Variants in APBB1 observed in about 807,000 individuals in gnomAD.
APBB1 encodes amyloid beta precursor protein binding family B member 1.
Under a neutral mutation model 78.4 loss-of-function variants are expected in APBB1, and 22 were observed. The observed-to-expected ratio is 0.28, with a 90% CI of 0.20 to 0.40. The LOEUF (loss-of-function observed/expected upper bound fraction) is 0.40. Among genes scored for constraint, APBB1 ranks in the 10% least tolerant of loss-of-function variants. The pLI, the probability that APBB1 is intolerant of heterozygous loss-of-function variation, is 1.00. For synonymous variants in APBB1, 369 were observed against 372.7 expected (o/e 0.99, Z 0.12); for missense variants, 749 against 932.4 (o/e 0.80, Z 2.56).
chr11:6,411,391 A>T lies in APBB1; in HGVS notation c.-14-30T>A. 6.6e-7 allele frequency: 1 copy of T among 1,507,764 alleles called. No individual in the cohort carries two copies. The highest frequency in any genetic ancestry group is 8.9e-7 in the Non-Finnish European group (1 of 1,128,390). The allele number at this position is 1,507,764 out of a possible 1,614,324, so 93.4% of individuals were successfully genotyped here. ...GGGGTGCGGAGGGGAGATGCTGTTG[A>T]GCCTCTGGTCCAGAACAGCAGCATC... is the stretch of plus-strand genomic sequence containing the variant. On this transcript the variant is annotated intron_variant, in intron 1 of 14. Coordinates refer to ENST00000609360, the MANE Select transcript of APBB1 (RefSeq NM_001164.5). This position sits in a 1 kb window ranked among gnomAD's most constrained non-coding sequence, Gnocchi z 5.2.
chr11:6,410,163 G>A (rs1848921808), intron 2 of APBB1, among the ~76,000 whole-genome samples: 1 of 152,086 alleles, frequency 6.6e-6, no homozygotes, highest in Non-Finnish European at 1.5e-5. Flanking sequence ...CATAACACGG[G>A]GCCAAGAGCT....
At chr11:6,396,898 C>T (rs1007529579) in intron 12 of APBB1, among the ~76,000 whole-genome samples, 1 of 152,208 alleles carries the variant, frequency 6.6e-6, no homozygotes, top group Admixed American at 6.5e-5. Context: ...ACTAGAAGGG[C>T]TTTCAAGATC....
chr11:6,410,749 CG>C lies in APBB1; in HGVS notation c.598del (p.Arg200GlyfsTer61). 1 of 1,580,374 alleles carries C rather than the reference CG, an allele frequency of 6.3e-7. No individual in the cohort carries two copies. Among genetic ancestry groups the C allele is most frequent in the African/African-American group, 1.4e-5 (1 of 74,052 alleles). ...GAGGCTGGCACTCTTGCTGTGTTCC[CG>C]GGGGCCATCTGTAAGGGCTTGGGGC... ...PRPQALTDGP[R>X]EHSKSASLLF... On this transcript the variant is annotated frameshift_variant, in exon 2 of 15. Transcript: ENST00000609360. LOFTEE classifies it high-confidence loss of function.
At chr11:6,402,747 C>G (rs1848592226) in intron 6 of APBB1, 22 bp from the exon 7 acceptor site, 1 of 1,613,564 alleles carries the variant, frequency 6.2e-7, no homozygotes, top group African/African-American at 1.3e-5. Flanking sequence ...AGAAGAGGGG[C>G]AGGAGGTAGA....
At chr11:6,405,685 AGAG>A (rs1848774451) in intron 2 of APBB1, 1 of 985,646 alleles carries the variant, frequency 1.0e-6, no homozygotes, top group African/African-American at 1.7e-5. Context: ...AGACACCCAA[AGAG>A]GAGGGGCTCT....
At chr11:6,405,395 G>A (rs1848757997) in intron 2 of APBB1, 25 of 987,318 alleles carry the variant, frequency 2.5e-5, no homozygotes, top group Non-Finnish European at 3.0e-5. Flanking sequence ...ACCTGCCAGG[G>A]CCCAGCTAGG....
Position 6,395,576 on chromosome 11 carries a change from C to A in APBB1, c.2091G>T (p.Trp697Cys). 1 of 1,582,732 alleles carries A rather than the reference C, an allele frequency of 6.3e-7. No homozygotes were observed. The change falls in exon 15 of 15, where the codon TGG (tryptophan) becomes TGT (cysteine). Residue 697 changes from tryptophan (W) to cysteine (C), a missense_variant. Trp to Cys is a radical substitution (Grantham distance 215). Around this residue, in one of 3 missense-constraint regions of APBB1, gnomAD observed 96 missense variants for 116.0 expected, o/e 0.83. Transcript: ENST00000609360. The surrounding 1 kb of genome is among the most constrained non-coding windows in gnomAD (Gnocchi z 5.2). ...CCAGCCGTTTGGGCTTCAGGGAGCC[C>A]CACAGCGACTGAACACCCCTGCGGA... ...WTVRRGVQSL[W>C]GSLKPKRLGA...
At position 6,403,531 on chromosome 11, in the gene APBB1, C is replaced by T. The variant is rs751840387; in HGVS notation, c.911G>A (p.Gly304Asp). The T allele has an allele frequency of 3.1e-6, 5 of 1,614,238 alleles. No individual in the cohort carries two copies. The South Asian group carries it at 5.5e-5, about 18-fold the overall frequency. ...PQEESQLTWT[G>D]FAHGEGFEDG... ...CTCAAAGCCTTCTCCATGAGCAAAA[C>T]CTGTCCAGGTGAGCTAGGAGGAGGG... The change falls in exon 4 of 15, where the codon GGT (glycine) becomes GAT (aspartate). Residue 304 changes from glycine (G) to aspartate (D), a missense_variant. By Grantham distance (94) the Gly-to-Asp change is moderately conservative (BLOSUM62 -1). This residue lies in a region of APBB1 where 635 missense variants were observed against 765.0 expected (regional missense o/e 0.83). Transcript: ENST00000609360. This position sits in a 1 kb window ranked among gnomAD's most constrained non-coding sequence, Gnocchi z 5.3.
chr11:6,409,847 G>C (rs1848913806), intron 2 of APBB1, among the ~76,000 whole-genome samples: 2 of 152,138 alleles, frequency 1.3e-5, no homozygotes, highest in Admixed American at 1.3e-4. Context: ...TTAAGCCCTG[G>C]AGTCCTAGTA....
At chr11:6,408,797 C>A (rs1426435769) in intron 2 of APBB1, among the ~76,000 whole-genome samples, 3 of 152,166 alleles carry the variant, frequency 2.0e-5, no homozygotes, top group African/African-American at 7.2e-5. Flanking sequence ...AGCCACCATG[C>A]CCAGCCAATG....
At chr11:6,409,925 A>T (rs560431000) in intron 2 of APBB1, among the ~76,000 whole-genome samples, 9 of 152,184 alleles carry the variant, frequency 5.9e-5, no homozygotes, top group Non-Finnish European at 1.2e-4. Context: ...ACTCCTGACA[A>T]AACTGTATCC....
chr11:6,403,725 G>T lies in APBB1; in HGVS notation c.819C>A (p.Ile273=), dbSNP rs560622465. The T allele has an allele frequency of 1.2e-6, 2 of 1,610,428 alleles. No homozygotes were observed. Among genetic ancestry groups the T allele is most frequent in the African/African-American group, 2.7e-5 (2 of 74,852 alleles). ...QDTSGTYYWH[I]PTGTTQWEPP... ...GTTCCCACTGGGTGGTCCCTGTTGG[G>T]ATGTGCCAGTAATAGGTCCCTGAGG... is the stretch of plus-strand genomic sequence containing the variant. Residue 273 remains isoleucine (I), a synonymous_variant, in exon 3 of 15, where the codon ATC becomes ATA. Coordinates refer to ENST00000609360, the MANE Select transcript of APBB1 (RefSeq NM_001164.5). The surrounding 1 kb of genome is among the most constrained non-coding windows in gnomAD (Gnocchi z 5.3).
intron 1 of APBB1, among the ~76,000 whole-genome samples, chr11:6,417,508 G>C (rs544060171): frequency 6.6e-6 from 1 of 152,312 alleles, no homozygotes; most frequent in South Asian, 2.1e-4. Context: ...CACAGTGCCT[G>C]GCATATATTA....
At position 6,401,823 on chromosome 11, in the gene APBB1, G is replaced by T; in HGVS notation, c.1389-135C>A. The T allele has an allele frequency of 7.0e-7, 1 of 1,421,254 alleles. No homozygotes were observed. The highest frequency in any genetic ancestry group is 9.8e-7 in the Non-Finnish European group (1 of 1,023,924). 88.0% of individuals were successfully genotyped at this position (1,421,254 alleles called of 1,614,324 possible). The stretch of plus-strand genomic sequence containing the variant: ...CCACAGCTGGTCCCCCATAGGTGCT[G>T]CCTTCTTGGGGGGGAGGGGTAGACA... On this transcript the variant is annotated intron_variant, in intron 9 of 14. Transcript: ENST00000609360. This position sits in a 1 kb window ranked among gnomAD's most constrained non-coding sequence, Gnocchi z 4.5.
In APBB1 at chr11:6,411,700, G is replaced by C. The variant is rs1176696007; in HGVS notation, c.-14-339C>G. 6.6e-6 allele frequency among the ~76,000 whole-genome samples: 1 copy of C among 152,084 alleles called. No homozygotes were observed. Among genetic ancestry groups the C allele is most frequent in the African/African-American group, 2.4e-5 (1 of 41,410 alleles). ...CCCCACCCCCCAGCTCATCCACCCG[G>C]GGCTTACTGTGCCAGGAACACCACT... On this transcript the variant is annotated intron_variant, in intron 1 of 14. Coordinates refer to ENST00000609360, the MANE Select transcript of APBB1 (RefSeq NM_001164.5). This position sits in a 1 kb window ranked among gnomAD's most constrained non-coding sequence, Gnocchi z 5.2.
chr11:6,404,134 T>G, intron 2 of APBB1: 1 of 374,646 alleles, frequency 2.7e-6, no homozygotes, highest in South Asian at 7.2e-5. Flanking sequence ...TAACCTCCTT[T>G]CATACATATC....
chr11:6,411,884 G>T lies in APBB1; in HGVS notation c.-14-523C>A, dbSNP rs1290250478. On this transcript the variant is annotated intron_variant, in intron 1 of 14. Coordinates refer to ENST00000609360, the MANE Select transcript of APBB1 (RefSeq NM_001164.5). This position sits in a 1 kb window ranked among gnomAD's most constrained non-coding sequence, Gnocchi z 5.2. ...AGCCCCCAAGCCCACCCCATACTAGGGACTGTGAGGACAGGAGCAAATAAG... is the reference window on the plus strand; with the variant it reads ...AGCCCCCAAGCCCACCCCATACTAGTGACTGTGAGGACAGGAGCAAATAAG... Among the ~76,000 whole-genome samples, 2 of 152,198 alleles carry T rather than the reference G, an allele frequency of 1.3e-5. No individual in the cohort carries two copies. The highest frequency in any genetic ancestry group is 2.9e-5 in the Non-Finnish European group (2 of 68,042).
upstream of APBB1, chr11:6,419,208 G>C (rs941489419): frequency 3.2e-6 from 1 of 310,450 alleles, no homozygotes; most frequent in Non-Finnish European, 5.9e-6. Context: ...CAGCTTCTTG[G>C]GGGCCTCACC....
rs1339101520 is a variant in APBB1, at chr11:6,401,210, C to G, written c.1588+135G>C. 1.2e-6 allele frequency: 2 copies of G among 1,610,768 alleles called. No individual in the cohort carries two copies. The highest frequency in any genetic ancestry group is 3.4e-5 in the Admixed American group (2 of 59,512). On this transcript the variant is annotated intron_variant, in intron 11 of 14. Transcript: ENST00000609360. The surrounding 1 kb of genome is among the most constrained non-coding windows in gnomAD (Gnocchi z 4.5). ...CCCCTGCCTCCCTTTAACCGGAGTC[C>G]CTCCACGTATTGGAGTATTCAGTCT...
Sources: allele counts gnomAD v4.1 joint callset (sites outside exome capture counted in the v4.1 genomes callset), GRCh38; gene constraint gnomAD v4.1.1; regional missense constraint gnomAD v4.1.1; non-coding constraint Gnocchi (gnomAD v3.1); transcripts MANE v1.5; gene names NCBI Gene and HGNC (gene_info 2026-07-23, HGNC 2026-07-21).